INPP4B: variants seen among roughly 807,000 people sequenced by gnomAD.
The protein encoded by INPP4B is inositol polyphosphate-4-phosphatase type II B.
A neutral mutation model predicts 122.5 loss-of-function variants in INPP4B; 55 were observed. That is an observed-to-expected ratio of 0.45 (90% CI 0.36 to 0.56). The LOEUF (loss-of-function observed/expected upper bound fraction) is 0.56, where lower values mean the gene tolerates loss of function less well. Ranked by LOEUF, INPP4B falls within the 20% of genes least tolerant of loss-of-function variation. The probability of loss-of-function intolerance (pLI) is 0.00; values close to 1 mark genes in which losing one functional copy is unlikely to be tolerated. For synonymous variants in INPP4B, 403 were observed against 388.7 expected (o/e 1.04, Z -0.43); for missense variants, 1,000 against 1,097.7 (o/e 0.91, Z 1.26).
chr4:142,297,230 T>C (rs1270432014), intron 9 of INPP4B, among the ~76,000 whole-genome samples: 4 of 152,224 alleles, frequency 2.6e-5, no homozygotes, highest in African/African-American at 9.6e-5. Flanking sequence ...TACCTGGCAA[T>C]AAGCCATATG....
chr4:142,708,134 A>T (rs1019311073), intron 2 of INPP4B, among the ~76,000 whole-genome samples: 2 of 152,208 alleles, frequency 1.3e-5, no homozygotes, highest in African/African-American at 4.8e-5. Context: ...GGTGGAAAAA[A>T]ATTCTAAGCA....
At chr4:142,513,862 A>T (rs999362654) in intron 2 of INPP4B, among the ~76,000 whole-genome samples, 1 of 152,240 alleles carries the variant, frequency 6.6e-6, no homozygotes, top group African/African-American at 2.4e-5. Context: ...CACTTAGGCC[A>T]CAGCAACAAG....
intron 3 of INPP4B, among the ~76,000 whole-genome samples, 160 bp downstream of exon 3, chr4:142,462,503 A>G (rs1042979983): frequency 1.3e-5 from 2 of 152,236 alleles, no homozygotes; most frequent in Non-Finnish European, 2.9e-5. Flanking sequence ...AAATTAATTT[A>G]TCTATAAAAT....
chr4:142,297,836 G>A (rs1759447513), intron 9 of INPP4B, among the ~76,000 whole-genome samples: 2 of 152,192 alleles, frequency 1.3e-5, no homozygotes, highest in Non-Finnish European at 1.5e-5. Context: ...AGTAAGGGAT[G>A]GCTGAGGGAC....
At chr4:142,029,540 GT>G in intron 25 of INPP4B, 1 of 985,562 alleles carries the variant, frequency 1.0e-6, no homozygotes. Context: ...GAATAGAAAA[GT>G]CCTCTGAAAG....
intron 2 of INPP4B, among the ~76,000 whole-genome samples, chr4:142,631,390 A>G (rs1747919519): frequency 6.6e-6 from 1 of 152,176 alleles, no homozygotes; most frequent in Non-Finnish European, 1.5e-5. Flanking sequence ...AATATGTAGA[A>G]TAAAGCATAA....
Position 142,473,769 on chromosome 4 carries a change from T to A in INPP4B, c.-190-11043A>T, listed in dbSNP as rs566704672. ...GTACCCAGACAGCAGGGCTGGTGAC[T>A]CCATGACCCCCACAGATAGCCAGAT... On this transcript the variant is annotated intron_variant, in intron 2 of 25. Coordinates refer to ENST00000262992, the MANE Select transcript of INPP4B (RefSeq NM_001101669.3). 5.9e-5 allele frequency among the ~76,000 whole-genome samples: 9 copies of A among 152,084 alleles called. 1 individual carries two copies. The South Asian group carries it at 1.9e-3, about 32-fold the overall frequency.
chr4:142,824,813 A>G (rs2151164212), intron 1 of INPP4B, among the ~76,000 whole-genome samples: 1 of 151,546 alleles, frequency 6.6e-6, no homozygotes, highest in South Asian at 2.1e-4. Flanking sequence ...TAAAAAAAAA[A>G]GTCTAGAACT....
At chr4:142,481,221 T>A (rs1311639070) in intron 2 of INPP4B, among the ~76,000 whole-genome samples, 4 of 150,900 alleles carry the variant, frequency 2.7e-5, no homozygotes, top group Non-Finnish European at 5.9e-5. Flanking sequence ...AGTAGGGGAA[T>A]GAACACTAGA....
chr4:142,841,772 T>C (rs1198079733), intron 1 of INPP4B, among the ~76,000 whole-genome samples: 4 of 151,938 alleles, frequency 2.6e-5, no homozygotes, highest in African/African-American at 9.7e-5. Flanking sequence ...TTTCTTTTGA[T>C]CTTGGAAGAT....
At chr4:142,367,981 TCCTGTCCCTCCGTATTAAG>T (rs1227326575) in intron 7 of INPP4B, among the ~76,000 whole-genome samples, 7 of 152,270 alleles carry the variant, frequency 4.6e-5, no homozygotes, top group African/African-American at 1.4e-4. Flanking sequence ...CCAGTGTATT[TCCTGTCCCTCCGTATTAAG>T]AAACACAAAC....
intron 18 of INPP4B, among the ~76,000 whole-genome samples, chr4:142,136,417 A>C (rs185326214): frequency 7.7e-4 from 117 of 152,346 alleles, no homozygotes; most frequent in Admixed American, 2.2e-3. Context: ...CAGAGCATTA[A>C]TCTCAGAGCA....
intron 2 of INPP4B, among the ~76,000 whole-genome samples, chr4:142,719,575 C>T (rs1049409264): frequency 1.3e-5 from 2 of 151,980 alleles, no homozygotes; most frequent in East Asian, 1.9e-4. Context: ...CTGCACGCCT[C>T]GGCCTCCCAA....
chr4:142,724,899 G>A (rs957755297), intron 2 of INPP4B, among the ~76,000 whole-genome samples: 5 of 151,852 alleles, frequency 3.3e-5, no homozygotes, highest in Non-Finnish European at 7.4e-5. Context: ...TCAGTAATTT[G>A]TCAAAAATAA....
At chr4:142,598,685 T>C (rs1173789403) in intron 2 of INPP4B, among the ~76,000 whole-genome samples, 1 of 152,166 alleles carries the variant, frequency 6.6e-6, no homozygotes, top group Non-Finnish European at 1.5e-5. Flanking sequence ...AGGAGCTCCC[T>C]TTGGGGCTGA....
chr4:142,845,776 T>C (rs1427791382), intron 1 of INPP4B, among the ~76,000 whole-genome samples: 1 of 151,648 alleles, frequency 6.6e-6, no homozygotes, highest in African/African-American at 2.4e-5. Context: ...TCATCAGGAT[T>C]GGAAGTGAGA....
intron 1 of INPP4B, among the ~76,000 whole-genome samples, chr4:142,726,456 T>C (rs1561002444): frequency 6.6e-6 from 1 of 152,220 alleles, no homozygotes; most frequent in Non-Finnish European, 1.5e-5. Flanking sequence ...AGCTTTTCTA[T>C]GCTGCAACAA....
chr4:142,790,737 A>T (rs535621663), intron 1 of INPP4B, among the ~76,000 whole-genome samples: 1 of 152,060 alleles, frequency 6.6e-6, no homozygotes, highest in Non-Finnish European at 1.5e-5. Flanking sequence ...ATATATTAAT[A>T]TCTATTTCTA....
At chr4:142,244,558 C>A (rs1047077084) in intron 11 of INPP4B, among the ~76,000 whole-genome samples, 1 of 152,078 alleles carries the variant, frequency 6.6e-6, no homozygotes, top group African/African-American at 2.4e-5. Context: ...CTGCCTCAGC[C>A]TCCCAAAGTG....
Sources: allele counts gnomAD v4.1 joint callset (sites outside exome capture counted in the v4.1 genomes callset), GRCh38; gene constraint gnomAD v4.1.1; transcripts MANE v1.5; gene names NCBI Gene and HGNC (gene_info 2026-07-23, HGNC 2026-07-21).